RPS6KA5: variants seen among roughly 807,000 people sequenced by gnomAD.
RPS6KA5 encodes the protein ribosomal protein S6 kinase A5.
In RPS6KA5, 27 loss-of-function variants were observed where a neutral mutation model predicts 85.5. The observed-to-expected ratio is 0.32, with a 90% CI of 0.23 to 0.44. The LOEUF (loss-of-function observed/expected upper bound fraction) is 0.44. Ranked by LOEUF, RPS6KA5 falls within the 20% of genes least tolerant of loss-of-function variation. The pLI, the probability that RPS6KA5 is intolerant of heterozygous loss-of-function variation, is 1.00. For missense variants in RPS6KA5, 811 were observed against 980.9 expected, an observed-to-expected ratio of 0.83 and a Z score of 2.31; for synonymous variants, 334 against 348.2, an observed-to-expected ratio of 0.96 and a Z score of 0.46.
At chr14:90,949,516 A>AT (rs1386391216) in intron 3 of RPS6KA5, among the ~76,000 whole-genome samples, 1 of 152,236 alleles carries the variant, frequency 6.6e-6, no homozygotes, top group East Asian at 1.9e-4. Flanking sequence ...GGTATTAACA[A>AT]TTGAACACAA....
At chr14:90,916,240 C>G (rs2036112755) in intron 7 of RPS6KA5, among the ~76,000 whole-genome samples, 1 of 152,154 alleles carries the variant, frequency 6.6e-6, no homozygotes, top group Non-Finnish European at 1.5e-5. Context: ...TCCATCCTTT[C>G]CATGATGGCA....
At chr14:91,025,356 T>C (rs904732765) in intron 1 of RPS6KA5, among the ~76,000 whole-genome samples, 2 of 152,224 alleles carry the variant, frequency 1.3e-5, no homozygotes, top group South Asian at 2.1e-4. Context: ...CTTTTTTTCA[T>C]TGAGTCTCTT....
intron 3 of RPS6KA5, among the ~76,000 whole-genome samples, chr14:90,947,753 T>C (rs946478667): frequency 1.3e-5 from 2 of 152,160 alleles, no homozygotes; most frequent in African/African-American, 2.4e-5. Flanking sequence ...TTAAATATAA[T>C]CAAATGAGTT....
intron 3 of RPS6KA5, among the ~76,000 whole-genome samples, chr14:90,971,855 T>C (rs1302785515): frequency 1.3e-5 from 2 of 152,186 alleles, no homozygotes; most frequent in Non-Finnish European, 2.9e-5. Context: ...AAAACCCATA[T>C]ACACCAAACA....
intron 3 of RPS6KA5, among the ~76,000 whole-genome samples, chr14:90,967,858 C>T (rs532726543): frequency 1.1e-4 from 17 of 152,238 alleles, no homozygotes; most frequent in African/African-American, 3.1e-4. Context: ...TTTTAAAACA[C>T]ACTACCATCC....
intron 2 of RPS6KA5, among the ~76,000 whole-genome samples, chr14:90,994,597 A>C (rs2040439469): frequency 1.1e-5 from 1 of 94,488 alleles, no homozygotes; most frequent in Non-Finnish European, 1.9e-5. Flanking sequence ...TTTGAGACTG[A>C]GTCTCACTCT....
At position 91,044,279 on chromosome 14, in the gene RPS6KA5, A is replaced by AAGAGAGAGAG. The variant is rs1034001844; in HGVS notation, c.103+16043_103+16052dup. ...AGAGAGAGGGAGAGAGAGAGAAAGA[A>AAGAGAGAGAG]AGAGAGAGAGAGAGAAAGAGAGAGA... On this transcript the variant is annotated intron_variant, in intron 1 of 16. Transcript: ENST00000614987. Among the ~76,000 whole-genome samples, 5 of 12,218 alleles carry AAGAGAGAGAG rather than the reference A, an allele frequency of 4.1e-4. 1 individual carries two copies. Among genetic ancestry groups the AAGAGAGAGAG allele is most frequent in the South Asian group, 2.6e-3 (1 of 384 alleles). The allele number at this position is 12,218 out of a possible 152,430, so 8.0% of individuals were successfully genotyped here. A position where few individuals can be genotyped will look rare whatever the true frequency, so the allele number is the denominator to read the frequency against.
chr14:90,986,441 A>G (rs1028415122), intron 2 of RPS6KA5, among the ~76,000 whole-genome samples: 3 of 148,300 alleles, frequency 2.0e-5, no homozygotes, highest in Non-Finnish European at 4.5e-5. Flanking sequence ...TGATTACCAG[A>G]GCATCTTACT....
At chr14:91,047,175 C>G (rs540526057) in intron 1 of RPS6KA5, among the ~76,000 whole-genome samples, 2 of 152,184 alleles carry the variant, frequency 1.3e-5, no homozygotes, top group Admixed American at 6.5e-5. Context: ...CTAATCCTTG[C>G]CTTGGTCCAG....
chr14:91,044,328 AG>A (rs2042732996), intron 1 of RPS6KA5, among the ~76,000 whole-genome samples: 1 of 123,650 alleles, frequency 8.1e-6, no homozygotes, highest in Non-Finnish European at 1.7e-5. Context: ...AAAGAGAGAG[AG>A]AAAGATAGAC....
intron 7 of RPS6KA5, among the ~76,000 whole-genome samples, chr14:90,909,919 G>T (rs2035708789): frequency 6.6e-6 from 1 of 152,048 alleles, no homozygotes; most frequent in African/African-American, 2.4e-5. Context: ...GGGATTACAG[G>T]CACCCACCAC....
At position 90,875,370 on chromosome 14, in the gene RPS6KA5, A is replaced by G. The variant is rs772927894; in HGVS notation, c.1837-10T>C. 6.2e-6 allele frequency: 10 copies of G among 1,605,278 alleles called. No homozygotes were observed. Among genetic ancestry groups the G allele is most frequent in the Middle Eastern group, 1.7e-4 (1 of 6,028 alleles). ...CTGACAACATTGTGTACTATCAGGG[A>G]AAAAGTAACAAAACAGAATGACTAC... On this transcript the variant is annotated splice_polypyrimidine_tract_variant and intron_variant, in intron 14 of 16. Transcript: ENST00000614987.
chr14:91,043,924 G>A (rs1000920584), intron 1 of RPS6KA5, among the ~76,000 whole-genome samples: 3 of 152,090 alleles, frequency 2.0e-5, no homozygotes, highest in Non-Finnish European at 4.4e-5. Context: ...CTGACCTTAC[G>A]ATAAGAAAAT....
At chr14:90,963,162 T>C (rs570161002) in intron 3 of RPS6KA5, among the ~76,000 whole-genome samples, 1 of 152,314 alleles carries the variant, frequency 6.6e-6, no homozygotes, top group Admixed American at 6.5e-5. Context: ...AGACCTGATA[T>C]TTTGTGGACT....
chr14:91,032,561 G>A (rs1566887450), intron 1 of RPS6KA5, among the ~76,000 whole-genome samples: 1 of 152,126 alleles, frequency 6.6e-6, no homozygotes, highest in African/African-American at 2.4e-5. Context: ...GCCAAAATGT[G>A]GTGCTGCATG....
At chr14:90,894,102 T>G (rs1566703363) in intron 13 of RPS6KA5, 2 of 998,058 alleles carry the variant, frequency 2.0e-6, no homozygotes, top group Non-Finnish European at 2.4e-6. Context: ...AGATATTATT[T>G]TCTGCTATAA....
At chr14:90,925,911 C>T (rs1221304364) in intron 5 of RPS6KA5, among the ~76,000 whole-genome samples, 2 of 131,802 alleles carry the variant, frequency 1.5e-5, no homozygotes, top group East Asian at 2.3e-4. Flanking sequence ...CACTGCACTC[C>T]AGCCTCGGTG....
In RPS6KA5 at chr14:90,855,267, T is replaced by C. The variant is rs1366335742; in HGVS notation, c.*16807A>G. On this transcript the variant is annotated 3_prime_UTR_variant, in exon 17 of 17. Transcript: ENST00000614987. The stretch of plus-strand genomic sequence containing the variant: ...TCTGCTATTTTAAAGGTATTATGTT[T>C]GATGAAAAGACAACTGCTATAAATG... 2 of 152,188 alleles carry C rather than the reference T, an allele frequency of 1.3e-5. No homozygotes were observed. Among genetic ancestry groups the C allele is most frequent in the African/African-American group, 4.8e-5 (2 of 41,452 alleles). The allele number at this position is 152,188 out of a possible 1,614,324, so 9.4% of individuals were successfully genotyped here.
At chr14:91,012,931 C>T (rs2041321912) in intron 1 of RPS6KA5, among the ~76,000 whole-genome samples, 1 of 152,176 alleles carries the variant, frequency 6.6e-6, no homozygotes, top group South Asian at 2.1e-4. Flanking sequence ...CCTTACATCA[C>T]TTTTCTGACT....
Sources: allele counts gnomAD v4.1 joint callset (sites outside exome capture counted in the v4.1 genomes callset), GRCh38; gene constraint gnomAD v4.1.1; transcripts MANE v1.5; gene names NCBI Gene and HGNC (gene_info 2026-07-23, HGNC 2026-07-21).